SCD5: variants seen among roughly 807,000 people sequenced by gnomAD.
SCD5 encodes the protein stearoyl-CoA desaturase 5, also known as acyl-CoA-desaturase 4.
In SCD5, 20 loss-of-function variants were observed where a neutral mutation model predicts 30.4. The ratio of observed to expected loss-of-function variants is 0.66; its 90% CI spans 0.46 to 0.96. SCD5 has a LOEUF of 0.96. Among genes scored for constraint, SCD5 ranks in the 40% least tolerant of loss-of-function variants. SCD5 has a pLI of 0.00. For synonymous variants in SCD5, 173 were observed against 176.4 expected, an observed-to-expected ratio of 0.98 and a Z score of 0.16; for missense variants, 381 against 443.3, an observed-to-expected ratio of 0.86 and a Z score of 1.26.
At chr4:82,704,183 A>C (rs2148827179) in intron 2 of SCD5, among the ~76,000 whole-genome samples, 1 of 152,350 alleles carries the variant, frequency 6.6e-6, no homozygotes, top group South Asian at 2.1e-4. Context: ...CTACAAGAGC[A>C]CTTAGTGAAA....
At chr4:82,763,667 C>T (rs556499697) in intron 1 of SCD5, among the ~76,000 whole-genome samples, 7 of 152,328 alleles carry the variant, frequency 4.6e-5, no homozygotes, top group Non-Finnish European at 7.3e-5. Flanking sequence ...CCACGTGAAG[C>T]GGCAGGAAGA....
At chr4:82,646,026 G>A (rs904259611) in intron 3 of SCD5, among the ~76,000 whole-genome samples, 1 of 152,142 alleles carries the variant, frequency 6.6e-6, no homozygotes, top group African/African-American at 2.4e-5. Flanking sequence ...ATTAGAGCAT[G>A]AAGGGGGGGA....
At chr4:82,635,481 C>T (rs369725981) in intron 4 of SCD5, among the ~76,000 whole-genome samples, 16 of 151,978 alleles carry the variant, frequency 1.1e-4, no homozygotes, top group African/African-American at 3.9e-4. Flanking sequence ...ATTAGCCAGG[C>T]GTGGTGGTGG....
rs1377003998 is a variant in SCD5 at position 82,709,800 on chromosome 4, G to A, written c.233-4387C>T. ...GCAGTATTATTCACAATAGCCAGAAGGCAGAAATAATCCAAGTGTCCATCA... is the reference window on the plus strand; with the variant it reads ...GCAGTATTATTCACAATAGCCAGAAAGCAGAAATAATCCAAGTGTCCATCA... On this transcript the variant is annotated intron_variant, in intron 1 of 4. Coordinates refer to ENST00000319540, the MANE Select transcript of SCD5 (RefSeq NM_001037582.3). 2.6e-5 allele frequency among the ~76,000 whole-genome samples: 4 copies of A among 152,194 alleles called. No homozygotes were observed. In the East Asian group the frequency reaches 7.7e-4, roughly 29 times the overall value.
chr4:82,661,249 G>T (rs1728001477), intron 3 of SCD5, among the ~76,000 whole-genome samples: 1 of 152,178 alleles, frequency 6.6e-6, no homozygotes, highest in Non-Finnish European at 1.5e-5. Flanking sequence ...TGGGGACTGA[G>T]GAATTAAGAG....
At chr4:82,637,777 A>C (rs1248318708) in intron 3 of SCD5, among the ~76,000 whole-genome samples, 2 of 152,194 alleles carry the variant, frequency 1.3e-5, no homozygotes, top group African/African-American at 4.8e-5. Context: ...GAGGGCATGA[A>C]ATTTGGTAGG....
chr4:82,726,796 A>C (rs902425939), intron 1 of SCD5, among the ~76,000 whole-genome samples: 1 of 152,180 alleles, frequency 6.6e-6, no homozygotes, highest in African/African-American at 2.4e-5. Flanking sequence ...GGACTGGATA[A>C]AGCCTATGCT....
intron 1 of SCD5, among the ~76,000 whole-genome samples, chr4:82,778,248 G>A (rs1453476795): frequency 6.6e-6 from 1 of 152,044 alleles, no homozygotes; most frequent in Non-Finnish European, 1.5e-5. Flanking sequence ...GGAACTTAGA[G>A]GACAAGTCAA....
intron 1 of SCD5, among the ~76,000 whole-genome samples, chr4:82,729,651 C>T (rs961531643): frequency 6.6e-6 from 1 of 152,060 alleles, no homozygotes; most frequent in Non-Finnish European, 1.5e-5. Flanking sequence ...ACATGCTACT[C>T]CAAAATATGC....
intron 1 of SCD5, among the ~76,000 whole-genome samples, chr4:82,766,827 G>A (rs115221319): frequency 0.019 from 2,866 of 152,074 alleles, 87 homozygotes; most frequent in African/African-American, 0.066. Context: ...ACAAGCATGC[G>A]CCAGCACACC....
chr4:82,658,663 T>C (rs1285035880), intron 3 of SCD5, among the ~76,000 whole-genome samples: 2 of 143,522 alleles, frequency 1.4e-5, no homozygotes, highest in African/African-American at 5.3e-5. Flanking sequence ...TTTTGTATTT[T>C]AGTGGAGATG....
intron 3 of SCD5, among the ~76,000 whole-genome samples, chr4:82,657,348 A>C (rs1346384711): frequency 2.6e-5 from 4 of 152,222 alleles, no homozygotes; most frequent in Admixed American, 2.0e-4. Flanking sequence ...TCATTTATTA[A>C]ATAGGGAATC....
chr4:82,726,415 C>T (rs1158014103), intron 1 of SCD5, among the ~76,000 whole-genome samples: 1 of 94,574 alleles, frequency 1.1e-5, no homozygotes, highest in Non-Finnish European at 1.9e-5. Context: ...GAAACTCTGT[C>T]TCAAAAAAAA....
In SCD5 at chr4:82,631,186, C is replaced by A; in HGVS notation, c.*141G>T. On this transcript the variant is annotated 3_prime_UTR_variant, in exon 5 of 5. Coordinates refer to ENST00000319540, the MANE Select transcript of SCD5 (RefSeq NM_001037582.3). The stretch of plus-strand genomic sequence containing the variant: ...TATTTCAACATTATTTTGAGATAAA[C>A]AAAAACATTCCCAAACCACATTGAC... 3.3e-6 allele frequency: 2 copies of A among 601,700 alleles called. No individual in the cohort carries two copies. The highest frequency in any genetic ancestry group is 3.1e-5 in the East Asian group (1 of 31,852). The allele number at this position is 601,700 out of a possible 1,614,324, so 37.3% of individuals were successfully genotyped here.
At chr4:82,762,681 G>A (rs1011004749) in intron 1 of SCD5, among the ~76,000 whole-genome samples, 119 of 152,330 alleles carry the variant, frequency 7.8e-4, no homozygotes, top group African/African-American at 2.8e-3. Context: ...GAGCGAGCTG[G>A]TGGGTTTGAG....
intron 3 of SCD5, among the ~76,000 whole-genome samples, chr4:82,663,487 G>T (rs1164381214): frequency 6.6e-6 from 1 of 152,150 alleles, no homozygotes; most frequent in Non-Finnish European, 1.5e-5. Context: ...CTGGCAACAA[G>T]AACAAAGCCT....
In SCD5 at chr4:82,631,131, A is replaced by AC. The variant is rs1239307111; in HGVS notation, c.*195_*196insG. The AC allele has an allele frequency of 1.9e-6, 1 of 513,022 alleles. No individual in the cohort carries two copies. Among genetic ancestry groups the AC allele is most frequent in the East Asian group, 3.4e-5 (1 of 29,468 alleles). 31.8% of individuals were successfully genotyped at this position (513,022 alleles called of 1,614,324 possible). A position where few individuals can be genotyped will look rare whatever the true frequency, so the allele number is the denominator to read the frequency against. On this transcript the variant is annotated 3_prime_UTR_variant, in exon 5 of 5. Transcript: ENST00000319540. The stretch of plus-strand genomic sequence containing the variant: ...GTCTCAAAAACAAAACAAACAAAAA[A>AC]AAAAACGAAAGTTTTTTCATTGATA...
At chr4:82,783,424 C>G (rs1268798204) in intron 1 of SCD5, among the ~76,000 whole-genome samples, 1 of 152,152 alleles carries the variant, frequency 6.6e-6, no homozygotes, top group Non-Finnish European at 1.5e-5. Flanking sequence ...GGCAAAGATG[C>G]CTGATGACAT....
intron 3 of SCD5, among the ~76,000 whole-genome samples, chr4:82,637,569 C>T (rs2148811952): frequency 6.6e-6 from 1 of 152,348 alleles, no homozygotes; most frequent in Admixed American, 6.5e-5. Context: ...AGGCTTCAGC[C>T]AAGTGGAGCC....
Sources: allele counts gnomAD v4.1 joint callset (sites outside exome capture counted in the v4.1 genomes callset), GRCh38; gene constraint gnomAD v4.1.1; transcripts MANE v1.5; gene names NCBI Gene and HGNC (gene_info 2026-07-23, HGNC 2026-07-21).